Variants in ZNF516 observed in about 807,000 individuals in gnomAD.
ZNF516 encodes the protein zinc finger protein 516.
In ZNF516, 19 loss-of-function variants were observed where a neutral mutation model predicts 79.7. The observed-to-expected ratio is 0.24, with a 90% CI of 0.17 to 0.35. ZNF516 has a LOEUF of 0.35. ZNF516 is among the 10% of genes least tolerant of loss of function. ZNF516 has a pLI of 1.00. For missense variants in ZNF516, 1,678 were observed against 1,679.5 expected, an observed-to-expected ratio of 1.00 and a Z score of 0.02; for synonymous variants, 877 against 739.5, an observed-to-expected ratio of 1.19 and a Z score of -3.02.
At chr18:76,445,799 C>T (rs1912010109) in intron 2 of ZNF516, among the ~76,000 whole-genome samples, 1 of 152,236 alleles carries the variant, frequency 6.6e-6, no homozygotes, top group African/African-American at 2.4e-5. Context: ...CTGGTCAGGG[C>T]CGTTAGAGAC....
rs374464151 is a variant in ZNF516 at position 76,480,529 on chromosome 18, A to ATATATATATATAT, written c.-272+14614_-272+14615insATATATATATATA. Among the ~76,000 whole-genome samples, 85 of 142,080 alleles carry ATATATATATATAT rather than the reference A, an allele frequency of 6.0e-4. 1 individual carries two copies. Among genetic ancestry groups the ATATATATATATAT allele is most frequent in the African/African-American group, 2.1e-3 (80 of 38,136 alleles). 93.2% of individuals were successfully genotyped at this position (142,080 alleles called of 152,430 possible). A position where few individuals can be genotyped will look rare whatever the true frequency, so the allele number is the denominator to read the frequency against. On this transcript the variant is annotated intron_variant, in intron 1 of 6. Coordinates refer to ENST00000443185, the MANE Select transcript of ZNF516 (RefSeq NM_014643.4). ...CACACACACACACACACACACATAT[A>ATATATATATATAT]TTTTTTTTTTTGAGACGGAGTCTTG...
intron 6 of ZNF516, among the ~76,000 whole-genome samples, chr18:76,368,335 G>A (rs1054559176): frequency 2.0e-5 from 3 of 152,020 alleles, no homozygotes; most frequent in Non-Finnish European, 2.9e-5. Flanking sequence ...AGAGAACTCT[G>A]CAGAGCATTC....
Position 76,435,176 on chromosome 18 carries a change from A to G in ZNF516, c.1810+6069T>C, listed in dbSNP as rs574041178. Among the ~76,000 whole-genome samples, 4 of 137,298 alleles carry G rather than the reference A, an allele frequency of 2.9e-5. No homozygotes were observed. The South Asian group carries it at 6.8e-4, about 23-fold the overall frequency. 90.1% of individuals were successfully genotyped at this position (137,298 alleles called of 152,430 possible). On this transcript the variant is annotated intron_variant, in intron 3 of 6. Transcript: ENST00000443185. ...ATAAGTGTTTGAATTTTCCTGGCAA[A>G]CCAAAATGTCTGCCTGATGTTTGTT...
At chr18:76,392,498 A>G (rs1241844562) in intron 3 of ZNF516, among the ~76,000 whole-genome samples, 4 of 151,646 alleles carry the variant, frequency 2.6e-5, no homozygotes, top group African/African-American at 9.7e-5. Flanking sequence ...CCAGCTGGGA[A>G]GGCAGGTGGG....
chr18:76,488,753 C>T (rs541179677), intron 1 of ZNF516, among the ~76,000 whole-genome samples: 2 of 152,170 alleles, frequency 1.3e-5, no homozygotes, highest in African/African-American at 2.4e-5. Flanking sequence ...ATAATTAAAT[C>T]CATGTCTATC....
At chr18:76,424,431 C>T (rs1319126404) in intron 3 of ZNF516, among the ~76,000 whole-genome samples, 38 of 145,538 alleles carry the variant, frequency 2.6e-4, no homozygotes, top group African/African-American at 9.5e-4. Flanking sequence ...GAAACATACA[C>T]ACGCAGGTGA....
chr18:76,443,325 A>C, intron 2 of ZNF516, 114 bp from the exon 3 acceptor site: 1 of 448,334 alleles, frequency 2.2e-6, no homozygotes, highest in Non-Finnish European at 3.9e-6. Flanking sequence ...ACATTAAGAA[A>C]AGCGGCACCA....
At position 76,360,646 on chromosome 18, in the gene ZNF516, A is replaced by AAAAAAAAATATAT. The variant is rs373540251; in HGVS notation, c.*1851_*1852insATATATTTTTTTT. On this transcript the variant is annotated 3_prime_UTR_variant, in exon 7 of 7. Transcript: ENST00000443185. ...AAAAAAATAAGTAAAAAAAAAAAAA[A>AAAAAAAAATATAT]ATATATATATATATATATATATATA... The AAAAAAAAATATAT allele has an allele frequency of 1.5e-4, 11 of 72,452 alleles. No individual in the cohort carries two copies. The highest frequency in any genetic ancestry group is 2.4e-4 in the African/African-American group (4 of 16,372). 4.5% of individuals were successfully genotyped at this position (72,452 alleles called of 1,614,324 possible). A position where few individuals can be genotyped will look rare whatever the true frequency, so the allele number is the denominator to read the frequency against.
intron 4 of ZNF516, among the ~76,000 whole-genome samples, chr18:76,374,005 T>A (rs1481019789): frequency 6.6e-6 from 1 of 152,196 alleles, no homozygotes; most frequent in Non-Finnish European, 1.5e-5. Context: ...CCTGGCCAAC[T>A]TCAGAGAGGG....
At chr18:76,371,316 T>A in intron 5 of ZNF516, 151 bp downstream of exon 5, 1 of 719,830 alleles carries the variant, frequency 1.4e-6, no homozygotes, top group Non-Finnish European at 2.3e-6. Flanking sequence ...GGGCGGCCTG[T>A]ATACGATCCC....
At chr18:76,410,715 T>C (rs776226955) in intron 3 of ZNF516, among the ~76,000 whole-genome samples, 5 of 152,236 alleles carry the variant, frequency 3.3e-5, no homozygotes, top group Non-Finnish European at 5.9e-5. Flanking sequence ...GTGGGAGACT[T>C]GAGAGTCGGC....
At chr18:76,487,770 T>G (rs1735068139) in intron 1 of ZNF516, among the ~76,000 whole-genome samples, 1 of 151,784 alleles carries the variant, frequency 6.6e-6, no homozygotes, top group African/African-American at 2.4e-5. Flanking sequence ...CCAAACTCAC[T>G]GGTTCCTGGG....
At chr18:76,377,220 G>A (rs374495835) in intron 4 of ZNF516, among the ~76,000 whole-genome samples, 93 of 152,352 alleles carry the variant, frequency 6.1e-4, no homozygotes, top group African/African-American at 2.0e-3. Flanking sequence ...AGAAGATGAG[G>A]ATCTAAGACC....
Position 76,493,470 on chromosome 18 carries a change from A to C in ZNF516, c.-272+1674T>G, listed in dbSNP as rs1915352343. On this transcript the variant is annotated intron_variant, in intron 1 of 6. Transcript: ENST00000443185. The surrounding 1 kb of genome is among the most constrained non-coding windows in gnomAD (Gnocchi z 5.2). ...AACAAACACTCGTTCCTAATTTATG[A>C]ACTCGCCGTTTTGATTTTATTATTT... The C allele has an allele frequency of 6.6e-6, 1 of 152,360 alleles. No homozygotes were observed. Among genetic ancestry groups the C allele is most frequent in the African/African-American group, 2.4e-5 (1 of 41,448 alleles). 9.4% of individuals were successfully genotyped at this position (152,360 alleles called of 1,614,324 possible).
chr18:76,458,649 C>A (rs1395705737), intron 2 of ZNF516, among the ~76,000 whole-genome samples: 1 of 146,272 alleles, frequency 6.8e-6, no homozygotes, highest in African/African-American at 2.5e-5. Flanking sequence ...GCCTCACCGT[C>A]GTGCGTGTGC....
intron 3 of ZNF516, among the ~76,000 whole-genome samples, chr18:76,419,709 C>A (rs2075481413): frequency 6.6e-6 from 1 of 152,200 alleles, no homozygotes; most frequent in African/African-American, 2.4e-5. Context: ...TTAAGACATG[C>A]CTTTGCTTCT....
chr18:76,486,802 G>T (rs544946859), intron 1 of ZNF516, among the ~76,000 whole-genome samples: 10 of 151,842 alleles, frequency 6.6e-5, no homozygotes, highest in South Asian at 2.1e-4. Flanking sequence ...AATTACATAC[G>T]ATATACATCT....
At chr18:76,367,734 AAC>A (rs1203612935) in intron 6 of ZNF516, among the ~76,000 whole-genome samples, 1 of 152,208 alleles carries the variant, frequency 6.6e-6, no homozygotes, top group Non-Finnish European at 1.5e-5. Flanking sequence ...GGACCTTTTG[AAC>A]CAGAGAAGCA....
intron 4 of ZNF516, among the ~76,000 whole-genome samples, chr18:76,373,091 A>G (rs2074732883): frequency 6.6e-6 from 1 of 152,180 alleles, no homozygotes; most frequent in Non-Finnish European, 1.5e-5. Flanking sequence ...TCAAGGCTGC[A>G]TTGAGTTGAG....
Sources: gnomAD v4.1 joint callset for allele counts (sites outside exome capture counted in the v4.1 genomes callset) on GRCh38, gnomAD v4.1.1 for gene constraint, Gnocchi (gnomAD v3.1) non-coding constraint, MANE v1.5 for transcripts, NCBI Gene and HGNC (gene_info 2026-07-23, HGNC 2026-07-21) for gene names.